The following PHYHIPL variants were observed in gnomAD, a reference collection of about 807,000 sequenced individuals.
PHYHIPL encodes phytanoyl-CoA 2-hydroxylase interacting protein like.
PHYHIPL carries 9 observed loss-of-function variants against 33.4 expected under a neutral mutation model. The ratio of observed to expected loss-of-function variants is 0.27; its 90% CI spans 0.16 to 0.47. PHYHIPL has a LOEUF of 0.47. Among genes scored for constraint, PHYHIPL ranks in the 20% least tolerant of loss-of-function variants. The pLI is 0.99. For missense variants in PHYHIPL, 365 were observed against 460.7 expected (o/e 0.79, Z 1.90); for synonymous variants, 153 against 154.1 (o/e 0.99, Z 0.05).
At position 59,217,268 on chromosome 10, in the gene PHYHIPL, T is replaced by C. The variant is rs181496959; in HGVS notation, c.107-17036T>C. On this transcript the variant is annotated intron_variant, in intron 1 of 4. Transcript: ENST00000373880. ...ATAGACTTCAATGTGCTGATCAATT[T>C]TTTAAGCAGTGATATGAATACAAAT... Among the ~76,000 whole-genome samples, 132 of 152,228 alleles carry C rather than the reference T, an allele frequency of 8.7e-4. 3 individuals are homozygous for C. Among genetic ancestry groups the C allele is most frequent in the Non-Finnish European group, 1.3e-3 (91 of 67,978 alleles).
At chr10:59,179,095 T>C (rs2133173134) in intron 1 of PHYHIPL, among the ~76,000 whole-genome samples, 1 of 152,306 alleles carries the variant, frequency 6.6e-6, no homozygotes, top group South Asian at 2.1e-4. Context: ...TGTTATCCTA[T>C]CTTACATGTC....
chr10:59,194,378 C>G (rs1218444363), intron 1 of PHYHIPL, among the ~76,000 whole-genome samples: 1 of 151,998 alleles, frequency 6.6e-6, no homozygotes, highest in Non-Finnish European at 1.5e-5. Context: ...AGTGTTAATA[C>G]TTTTCTATTT....
At chr10:59,244,143 A>G (rs1840527211) in intron 4 of PHYHIPL, among the ~76,000 whole-genome samples, 1 of 152,196 alleles carries the variant, frequency 6.6e-6, no homozygotes, top group Non-Finnish European at 1.5e-5. Flanking sequence ...TGAATGCTAG[A>G]GTCCCAGGTC....
intron 1 of PHYHIPL, among the ~76,000 whole-genome samples, chr10:59,205,011 C>T (rs1564707650): frequency 1.3e-5 from 2 of 151,856 alleles, no homozygotes; most frequent in Admixed American, 6.6e-5. Context: ...ATTACAGGCA[C>T]CTATCACCTA....
At chr10:59,212,747 T>C (rs2086547218) in intron 1 of PHYHIPL, among the ~76,000 whole-genome samples, 1 of 152,138 alleles carries the variant, frequency 6.6e-6, no homozygotes, top group South Asian at 2.1e-4. Flanking sequence ...TAAATGTAAT[T>C]TGTCTAAAGT....
chr10:59,238,884 A>C, intron 4 of PHYHIPL, 179 bp downstream of exon 4: 1 of 506,076 alleles, frequency 2.0e-6, no homozygotes, highest in African/African-American at 1.9e-5. Context: ...ATTTTTTTCT[A>C]TTTCACTTAG....
intron 3 of PHYHIPL, 147 bp from the exon 4 acceptor site, chr10:59,238,441 A>G: frequency 4.5e-6 from 2 of 442,998 alleles, no homozygotes; most frequent in Non-Finnish European, 8.1e-6. Flanking sequence ...CACACAGACA[A>G]TGAATATTTT....
chr10:59,194,210 T>C (rs1465246119), intron 1 of PHYHIPL, among the ~76,000 whole-genome samples: 1 of 151,686 alleles, frequency 6.6e-6, no homozygotes, highest in East Asian at 1.9e-4. Flanking sequence ...GCCTCCTGAG[T>C]AGCTGGGATT....
chr10:59,211,883 C>T (rs1432157951), intron 1 of PHYHIPL, among the ~76,000 whole-genome samples: 1 of 151,974 alleles, frequency 6.6e-6, no homozygotes, highest in Admixed American at 6.6e-5. Context: ...TTTCCTTTCT[C>T]AGAGAAGGAA....
intron 4 of PHYHIPL, 39 bp from the exon 5 acceptor site, chr10:59,245,018 C>T (rs1272958772): frequency 6.4e-7 from 1 of 1,557,808 alleles, no homozygotes. Flanking sequence ...GGGTTTACCA[C>T]TATTGTATTA....
At chr10:59,206,523 GCTAGAAATTCTGGAAATT>G (rs570490647) in intron 1 of PHYHIPL, among the ~76,000 whole-genome samples, 5 of 152,168 alleles carry the variant, frequency 3.3e-5, no homozygotes, top group African/African-American at 7.2e-5. Context: ...ACAGTAGCCA[GCTAGAAATTCTGGAAATT>G]CTAGAAATTC....
At chr10:59,204,977 G>A (rs1342107614) in intron 1 of PHYHIPL, among the ~76,000 whole-genome samples, 1 of 149,790 alleles carries the variant, frequency 6.7e-6, no homozygotes, top group East Asian at 2.0e-4. Flanking sequence ...CGATTCTCCT[G>A]CCCCAGCCTC....
chr10:59,174,878 A>T (rs926111311), upstream of PHYHIPL, among the ~76,000 whole-genome samples: 6 of 152,324 alleles, frequency 3.9e-5, no homozygotes, highest in Admixed American at 3.9e-4. Flanking sequence ...GATAAATTTG[A>T]ACTCCAAATT....
intron 1 of PHYHIPL, among the ~76,000 whole-genome samples, chr10:59,186,080 A>G (rs921515063): frequency 2.0e-5 from 3 of 152,140 alleles, no homozygotes; most frequent in Non-Finnish European, 4.4e-5. Flanking sequence ...GTTTTCTTCT[A>G]GGGTTTTTAT....
intron 1 of PHYHIPL, among the ~76,000 whole-genome samples, chr10:59,219,523 T>C (rs926139756): frequency 2.0e-5 from 3 of 152,212 alleles, no homozygotes; most frequent in Non-Finnish European, 4.4e-5. Flanking sequence ...AACATTATGC[T>C]AATTGGATAT....
intron 1 of PHYHIPL, among the ~76,000 whole-genome samples, chr10:59,185,147 C>T (rs1261182646): frequency 1.6e-4 from 24 of 151,522 alleles, no homozygotes; most frequent in African/African-American, 5.3e-4. Flanking sequence ...CCCGCCACTA[C>T]GCCCGGCTAA....
At chr10:59,202,505 T>G (rs11817352) in intron 1 of PHYHIPL, among the ~76,000 whole-genome samples, 14,215 of 152,110 alleles carry the variant, frequency 0.093, 847 homozygotes, top group South Asian at 0.2. Flanking sequence ...TCAAATAACT[T>G]TTGCTGAATG....
Position 59,245,379 on chromosome 10 carries a change from G to T in PHYHIPL, c.919G>T (p.Asp307Tyr). ...GCGCCTTCCTCAACTAAATTCTAAG[G>T]ATAATAAATTTTTGACCTGTACAGA... ...KQRLPQLNSKDNKFLTCTEED... is the reference protein window; with the variant it reads ...KQRLPQLNSKYNKFLTCTEED... Residue 307 changes from aspartate (D) to tyrosine (Y), a missense_variant, in exon 5 of 5, where the codon GAT becomes TAT. Coordinates refer to ENST00000373880, the MANE Select transcript of PHYHIPL (RefSeq NM_032439.4). 1 of 1,614,088 alleles carries T rather than the reference G, an allele frequency of 6.2e-7. No homozygotes were observed. Among genetic ancestry groups the T allele is most frequent in the Non-Finnish European group, 8.5e-7 (1 of 1,180,014 alleles).
chr10:59,187,191 C>A (rs1838632346), intron 1 of PHYHIPL, among the ~76,000 whole-genome samples: 2 of 152,280 alleles, frequency 1.3e-5, no homozygotes, highest in South Asian at 4.1e-4. Context: ...TGAATTTTGT[C>A]AAAGGCCTTT....
Sources: allele counts gnomAD v4.1 joint callset (sites outside exome capture counted in the v4.1 genomes callset), GRCh38; gene constraint gnomAD v4.1.1; transcripts MANE v1.5; gene names NCBI Gene and HGNC (gene_info 2026-07-23, HGNC 2026-07-21).